Variants in PHF20L1 observed in about 807,000 individuals in gnomAD.
The protein encoded by PHF20L1 is PHD finger protein 20-like protein 1.
In PHF20L1, 44 loss-of-function variants were observed where a neutral mutation model predicts 125.5. The ratio of observed to expected loss-of-function variants is 0.35; its 90% CI spans 0.28 to 0.45. The LOEUF is 0.45. Ranked by LOEUF, PHF20L1 falls within the 20% of genes least tolerant of loss-of-function variation. The probability of loss-of-function intolerance (pLI) is 1.00; values close to 1 mark genes in which losing one functional copy is unlikely to be tolerated. For missense variants in PHF20L1, 1,012 were observed against 1,217.2 expected (o/e 0.83, Z 2.51); for synonymous variants, 380 against 403.1 (o/e 0.94, Z 0.69).
At chr8:132,787,266 G>C (rs1039692857) in intron 2 of PHF20L1, among the ~76,000 whole-genome samples, 5 of 151,790 alleles carry the variant, frequency 3.3e-5, no homozygotes, top group Admixed American at 1.3e-4. Context: ...GTGCTGGGGG[G>C]GTGGGAGGAG....
At position 132,846,891 on chromosome 8, in the gene PHF20L1, T is replaced by C. The variant is rs1011152717; in HGVS notation, c.*968T>C. On this transcript the variant is annotated 3_prime_UTR_variant, in exon 21 of 21. Coordinates refer to ENST00000395386, the MANE Select transcript of PHF20L1 (RefSeq NM_016018.5). ...GATGAGGAGTGACAGAATATCAAAA[T>C]AATTTGTGGCTGTGGATTTTTTTAA... 1.2e-4 allele frequency: 19 copies of C among 152,596 alleles called. No individual in the cohort carries two copies. The highest frequency in any genetic ancestry group is 1.2e-3 in the Admixed American group (18 of 15,274). 9.5% of individuals were successfully genotyped at this position (152,596 alleles called of 1,614,324 possible).
intron 18 of PHF20L1, among the ~76,000 whole-genome samples, 183 bp downstream of exon 18, chr8:132,839,765 C>T (rs150648660): frequency 6.6e-6 from 1 of 152,202 alleles, no homozygotes; most frequent in Non-Finnish European, 1.5e-5. Context: ...TGCTTCCTGT[C>T]TATTCTAGAA....
chr8:132,799,263 A>G, intron 6 of PHF20L1, 91 bp downstream of exon 6: 2 of 691,386 alleles, frequency 2.9e-6, no homozygotes, highest in South Asian at 2.0e-5. Context: ...AAAAATTTAC[A>G]TTGAGTTCTT....
At chr8:132,813,561 C>A (rs1451419040) in intron 9 of PHF20L1, among the ~76,000 whole-genome samples, 1 of 151,918 alleles carries the variant, frequency 6.6e-6, no homozygotes, top group Admixed American at 6.6e-5. Context: ...TTATTCTCCA[C>A]AAGATATGGA....
intron 18 of PHF20L1, among the ~76,000 whole-genome samples, chr8:132,840,749 C>T (rs1837850214): frequency 6.6e-6 from 1 of 152,062 alleles, no homozygotes; most frequent in African/African-American, 2.4e-5. Flanking sequence ...AATTACCTGC[C>T]CAACTAGAGT....
At chr8:132,836,323 GTATAC>G (rs1837354101) in intron 15 of PHF20L1, 1 of 405,426 alleles carries the variant, frequency 2.5e-6, no homozygotes, top group Non-Finnish European at 4.4e-6. Context: ...TTATAATAGT[GTATAC>G]TATAAGATAT....
chr8:132,812,029 A>G (rs573577878), intron 9 of PHF20L1: 319 of 984,180 alleles, frequency 3.2e-4, no homozygotes, highest in Middle Eastern at 5.2e-4. Context: ...TTTGATAACA[A>G]TGCGTTGTTT....
intron 15 of PHF20L1, among the ~76,000 whole-genome samples, chr8:132,835,935 C>G (rs1837307143): frequency 1.3e-5 from 2 of 151,958 alleles, no homozygotes; most frequent in Non-Finnish European, 2.9e-5. Context: ...AGGCAAGCTC[C>G]TTTACCTCTC....
At position 132,845,993 on chromosome 8, in the gene PHF20L1, C is replaced by T; in HGVS notation, c.*70C>T. The T allele has an allele frequency of 8.6e-7, 1 of 1,160,626 alleles. No homozygotes were observed. Among genetic ancestry groups the T allele is most frequent in the South Asian group, 1.4e-5 (1 of 70,430 alleles). The allele number at this position is 1,160,626 out of a possible 1,614,324, so 71.9% of individuals were successfully genotyped here. On this transcript the variant is annotated 3_prime_UTR_variant, in exon 21 of 21. Transcript: ENST00000395386. The stretch of plus-strand genomic sequence containing the variant: ...AGCATTTTTATTATCCACGTGATGG[C>T]TAAGTGGATAATTTAAAAGCTTAGT...
At chr8:132,821,994 T>G (rs546782205) in intron 12 of PHF20L1, among the ~76,000 whole-genome samples, 2 of 152,154 alleles carry the variant, frequency 1.3e-5, no homozygotes, top group African/African-American at 2.4e-5. Flanking sequence ...CTTGTTGACT[T>G]CTGGAATGGT....
chr8:132,817,335 G>A lies in PHF20L1; in HGVS notation c.1373-4G>A. The A allele has an allele frequency of 1.2e-6, 2 of 1,607,174 alleles. No individual in the cohort carries two copies. Among genetic ancestry groups the A allele is most frequent in the Non-Finnish European group, 1.7e-6 (2 of 1,174,390 alleles). ...TATTACATTACACTCTTTATTTTGTGTAGTGCCTGATGTTGCACATTTGCC... is the reference window on the plus strand; with the variant it reads ...TATTACATTACACTCTTTATTTTGTATAGTGCCTGATGTTGCACATTTGCC... On this transcript the variant is annotated splice_polypyrimidine_tract_variant and splice_region_variant and intron_variant, in intron 11 of 20. Coordinates refer to ENST00000395386, the MANE Select transcript of PHF20L1 (RefSeq NM_016018.5).
intron 17 of PHF20L1, 85 bp downstream of exon 17, chr8:132,837,896 C>T (rs1397313553): frequency 4.5e-6 from 4 of 885,280 alleles, no homozygotes; most frequent in Non-Finnish European, 7.4e-6. Flanking sequence ...TGTTCACCAC[C>T]ACTACAGCAA....
At chr8:132,836,853 A>T (rs1456493161) in intron 16 of PHF20L1, 132 bp downstream of exon 16, 1 of 643,522 alleles carries the variant, frequency 1.6e-6, no homozygotes, top group Non-Finnish European at 2.7e-6. Context: ...TGTGGAAAAT[A>T]CCCATAGTAA....
intron 15 of PHF20L1, among the ~76,000 whole-genome samples, chr8:132,835,445 C>T (rs10097664): frequency 6.6e-6 from 1 of 151,784 alleles, no homozygotes; most frequent in South Asian, 2.1e-4. Context: ...TTTTAGTGTT[C>T]CATCATCATT....
intron 2 of PHF20L1, among the ~76,000 whole-genome samples, chr8:132,793,632 C>T (rs1051136989): frequency 2.6e-5 from 4 of 152,096 alleles, no homozygotes; most frequent in African/African-American, 4.8e-5. Context: ...TTAAGAATGA[C>T]GAAGCAACTT....
intron 9 of PHF20L1, chr8:132,812,546 G>C: frequency 1.0e-6 from 1 of 984,798 alleles, no homozygotes. Flanking sequence ...TTGTAACAAA[G>C]AGACCAACAA....
At chr8:132,836,890 A>C (rs1837415413) in intron 16 of PHF20L1, among the ~76,000 whole-genome samples, 169 bp downstream of exon 16, 2 of 152,108 alleles carry the variant, frequency 1.3e-5, no homozygotes, top group South Asian at 4.1e-4. Flanking sequence ...TCATTAAGTA[A>C]AGTAGACAAT....
intron 16 of PHF20L1, 51 bp from the exon 17 acceptor site, chr8:132,837,661 C>A: frequency 1.4e-6 from 2 of 1,411,624 alleles, no homozygotes; most frequent in Non-Finnish European, 2.0e-6. Flanking sequence ...TTATTCCTAG[C>A]TTATTCCTAG....
At position 132,847,635 on chromosome 8, in the gene PHF20L1, T is replaced by G. The variant is rs1203181857; in HGVS notation, c.*1712T>G. The G allele has an allele frequency of 6.6e-6, 1 of 152,570 alleles. No homozygotes were observed. The highest frequency in any genetic ancestry group is 1.5e-5 in the Non-Finnish European group (1 of 67,984). 9.5% of individuals were successfully genotyped at this position (152,570 alleles called of 1,614,324 possible). On this transcript the variant is annotated 3_prime_UTR_variant, in exon 21 of 21. Coordinates refer to ENST00000395386, the MANE Select transcript of PHF20L1 (RefSeq NM_016018.5). ...CGGCCTTATATTTTGATGTAAAGAT[T>G]AAAAGAATGTGCAAAACAGTCAGAA...
Sources: gnomAD v4.1 joint callset for allele counts (sites outside exome capture counted in the v4.1 genomes callset) on GRCh38, gnomAD v4.1.1 for gene constraint, MANE v1.5 for transcripts, NCBI Gene and HGNC (gene_info 2026-07-23, HGNC 2026-07-21) for gene names.